The following CAPN13 variants were observed in gnomAD, a reference collection of about 807,000 sequenced individuals.
CAPN13 encodes the protein calpain-13.
A neutral mutation model predicts 98.4 loss-of-function variants in CAPN13; 90 were observed. The observed-to-expected ratio is 0.92, with a 90% CI of 0.77 to 1.09. The LOEUF is 1.09. CAPN13 is among the 50% of genes least tolerant of loss of function. The pLI is 0.00. For missense variants in CAPN13, 887 were observed against 841.3 expected (o/e 1.05, Z -0.67); for synonymous variants, 330 against 305.5 (o/e 1.08, Z -0.84).
intron 10 of CAPN13, among the ~76,000 whole-genome samples, chr2:30,751,830 G>A (rs1029368081): frequency 6.6e-5 from 10 of 152,214 alleles, no homozygotes; most frequent in East Asian, 1.9e-4. Flanking sequence ...GTGGGGAGGC[G>A]TAGAGGACCA....
At chr2:30,756,160 C>T (rs763144092) in intron 8 of CAPN13, among the ~76,000 whole-genome samples, 8 of 152,068 alleles carry the variant, frequency 5.3e-5, no homozygotes, top group Non-Finnish European at 7.4e-5. Flanking sequence ...GTTCAAAAGC[C>T]TTCATTTATG....
chr2:30,771,138 C>G (rs1673389492), intron 4 of CAPN13, among the ~76,000 whole-genome samples: 2 of 152,256 alleles, frequency 1.3e-5, no homozygotes, highest in African/African-American at 2.4e-5. Context: ...CCAAAACAGA[C>G]TGTTTGAATC....
At chr2:30,752,545 T>C (rs1672226539) in intron 10 of CAPN13, among the ~76,000 whole-genome samples, 1 of 152,144 alleles carries the variant, frequency 6.6e-6, no homozygotes. Flanking sequence ...GCAGGGATAG[T>C]CTCCCTTGTG....
At chr2:30,727,837 C>G (rs1572773186) in intron 22 of CAPN13, among the ~76,000 whole-genome samples, 1 of 151,988 alleles carries the variant, frequency 6.6e-6, no homozygotes, top group Non-Finnish European at 1.5e-5. Flanking sequence ...ACATATGTCC[C>G]CCCAAAAACC....
At chr2:30,762,018 T>A (rs1471497604) in intron 7 of CAPN13, among the ~76,000 whole-genome samples, 3 of 152,160 alleles carry the variant, frequency 2.0e-5, no homozygotes, top group Non-Finnish European at 2.9e-5. Flanking sequence ...TTAGAAGACA[T>A]TATTAGACCT....
chr2:30,723,572 C>A (rs940263467), intron 22 of CAPN13, among the ~76,000 whole-genome samples: 5 of 152,128 alleles, frequency 3.3e-5, no homozygotes, highest in Non-Finnish European at 7.3e-5. Context: ...ATGTTCCTCC[C>A]ATCTCCAGGC....
intron 19 of CAPN13, among the ~76,000 whole-genome samples, chr2:30,733,951 G>A (rs1671225549): frequency 6.6e-6 from 1 of 152,192 alleles, no homozygotes; most frequent in African/African-American, 2.4e-5. Flanking sequence ...GTGAACCATG[G>A]AGAACTTATG....
At chr2:30,762,066 G>T (rs1264050499) in intron 7 of CAPN13, among the ~76,000 whole-genome samples, 1 of 152,192 alleles carries the variant, frequency 6.6e-6, no homozygotes, top group Non-Finnish European at 1.5e-5. Flanking sequence ...GGGAACACTT[G>T]CAGGAAACCA....
chr2:30,802,628 G>C (rs1675358394), intron 1 of CAPN13, among the ~76,000 whole-genome samples: 1 of 151,888 alleles, frequency 6.6e-6, no homozygotes, highest in Non-Finnish European at 1.5e-5. Flanking sequence ...GAAACGGGGA[G>C]AGCCAGAGCT....
At chr2:30,797,173 A>C (rs1674930585) in intron 1 of CAPN13, among the ~76,000 whole-genome samples, 1 of 152,042 alleles carries the variant, frequency 6.6e-6, no homozygotes, top group African/African-American at 2.4e-5. Flanking sequence ...TGATCCTCAG[A>C]CTCAGCCCCT....
In CAPN13 at chr2:30,763,639, T is replaced by C. The variant is rs550068785; in HGVS notation, c.700-483A>G. Among the ~76,000 whole-genome samples, 30 of 152,330 alleles carry C rather than the reference T, an allele frequency of 2.0e-4. No individual in the cohort carries two copies. In the South Asian group the frequency reaches 4.6e-3, roughly 23 times the overall value. ...AGAAACCAGATGTCTCAGAACAGAC[T>C]CAAATAATTTGGAGGGTCACCCAAG... On this transcript the variant is annotated intron_variant, in intron 6 of 22. Coordinates refer to ENST00000295055, the MANE Select transcript of CAPN13 (RefSeq NM_144575.3).
intron 22 of CAPN13, among the ~76,000 whole-genome samples, chr2:30,723,499 T>C (rs975894690): frequency 6.6e-6 from 1 of 152,126 alleles, no homozygotes; most frequent in East Asian, 1.9e-4. Flanking sequence ...CTTGAGTTCA[T>C]ATCATAGCCC....
At chr2:30,736,767 T>A (rs1379361745) in intron 17 of CAPN13, 196 bp from the exon 18 acceptor site, 2 of 587,886 alleles carry the variant, frequency 3.4e-6, no homozygotes. Flanking sequence ...CAAAGAAAAA[T>A]GGGCAATTGG....
chr2:30,793,406 A>G (rs1674702489), intron 1 of CAPN13, among the ~76,000 whole-genome samples: 1 of 151,652 alleles, frequency 6.6e-6, no homozygotes, highest in East Asian at 1.9e-4. Flanking sequence ...ATCTACATTA[A>G]AAAACTATAA....
At chr2:30,762,638 C>T (rs1014073882) in intron 7 of CAPN13, among the ~76,000 whole-genome samples, 3 of 152,218 alleles carry the variant, frequency 2.0e-5, no homozygotes, top group Admixed American at 6.5e-5. Context: ...GTCCTGGCAT[C>T]ACCTGCTTAC....
At chr2:30,800,364 A>AC (rs1331127544) in intron 1 of CAPN13, among the ~76,000 whole-genome samples, 1 of 152,136 alleles carries the variant, frequency 6.6e-6, no homozygotes, top group African/African-American at 2.4e-5. Context: ...AGGCAGGGCA[A>AC]CCCCAGCCTC....
At chr2:30,740,633 C>A (rs1671606197) in intron 15 of CAPN13, among the ~76,000 whole-genome samples, 1 of 152,248 alleles carries the variant, frequency 6.6e-6, no homozygotes, top group African/African-American at 2.4e-5. Context: ...TGGCAGAATG[C>A]CACACTGGGG....
chr2:30,727,339 C>A (rs970704687), intron 22 of CAPN13, among the ~76,000 whole-genome samples: 1 of 152,158 alleles, frequency 6.6e-6, no homozygotes, highest in Non-Finnish European at 1.5e-5. Context: ...ATTAAAGACT[C>A]ATATGCTACA....
intron 1 of CAPN13, among the ~76,000 whole-genome samples, chr2:30,800,145 A>AAAGAAAGAAAGAAAGAAAGAAAGT (rs1558351642): frequency 5.4e-5 from 8 of 148,628 alleles, no homozygotes; most frequent in African/African-American, 2.0e-4. Flanking sequence ...AGAAAGAAAG[A>AAAGAAAGAAAGAAAGAAAGAAAGT]AAGAAAGAAA....
Sources: gnomAD v4.1 joint callset for allele counts (sites outside exome capture counted in the v4.1 genomes callset) on GRCh38, gnomAD v4.1.1 for gene constraint, MANE v1.5 for transcripts, NCBI Gene and HGNC (gene_info 2026-07-23, HGNC 2026-07-21) for gene names.